The following MAN1A1 variants were observed in gnomAD, a reference collection of about 807,000 sequenced individuals.
The protein encoded by MAN1A1 is mannosidase alpha class 1A member 1.
MAN1A1 carries 29 observed loss-of-function variants against 70.8 expected under a neutral mutation model. The ratio of observed to expected loss-of-function variants is 0.41; its 90% confidence interval spans 0.31 to 0.56. The LOEUF (loss-of-function observed/expected upper bound fraction) is 0.56. MAN1A1 is among the 20% of genes least tolerant of loss of function. MAN1A1 has a pLI of 0.29. For synonymous variants in MAN1A1, 349 were observed against 330.1 expected, an observed-to-expected ratio of 1.06 and a Z score of -0.62; for missense variants, 747 against 841.3, an observed-to-expected ratio of 0.89 and a Z score of 1.39.
chr6:119,210,928 C>CA (rs547525148), intron 6 of MAN1A1: 18 of 456,172 alleles, frequency 3.9e-5, no homozygotes, highest in Middle Eastern at 3.3e-4. Context: ...ATTGCACATC[C>CA]ACCTGTTGTA....
At chr6:119,271,265 G>C (rs971127180) in intron 5 of MAN1A1, among the ~76,000 whole-genome samples, 1 of 152,012 alleles carries the variant, frequency 6.6e-6, no homozygotes. Flanking sequence ...CATAGTTCTA[G>C]AAAAATGGAT....
At chr6:119,270,139 A>G (rs1775877315) in intron 5 of MAN1A1, among the ~76,000 whole-genome samples, 1 of 152,060 alleles carries the variant, frequency 6.6e-6, no homozygotes, top group Admixed American at 6.5e-5. Flanking sequence ...GATATTTCAG[A>G]CTAATCTTGT....
intron 6 of MAN1A1, among the ~76,000 whole-genome samples, chr6:119,205,751 TCTC>T (rs1773842382): frequency 6.6e-6 from 1 of 152,232 alleles, no homozygotes. Context: ...AGTTCGTTAT[TCTC>T]CTAATAAATT....
At chr6:119,193,959 C>A in intron 8 of MAN1A1, 67 bp from the exon 9 acceptor site, 1 of 917,950 alleles carries the variant, frequency 1.1e-6, no homozygotes, top group Non-Finnish European at 1.8e-6. Context: ...AGCAAAATCA[C>A]ATTAGCAACT....
At chr6:119,186,815 G>C (rs140308728) in intron 11 of MAN1A1, among the ~76,000 whole-genome samples, 1 of 152,250 alleles carries the variant, frequency 6.6e-6, no homozygotes, top group East Asian at 1.9e-4. Context: ...CCATGCCTTC[G>C]AAGTCCCAGT....
chr6:119,318,607 T>G (rs1440241007), intron 2 of MAN1A1, among the ~76,000 whole-genome samples: 2 of 152,230 alleles, frequency 1.3e-5, no homozygotes, highest in African/African-American at 4.8e-5. Flanking sequence ...AAACATGACA[T>G]GCAAAACCAA....
intron 6 of MAN1A1, among the ~76,000 whole-genome samples, chr6:119,239,231 C>T (rs1388384775): frequency 6.6e-6 from 1 of 152,202 alleles, no homozygotes; most frequent in African/African-American, 2.4e-5. Flanking sequence ...CAATTCTCCA[C>T]CTTATAGATG....
intron 2 of MAN1A1, among the ~76,000 whole-genome samples, chr6:119,330,611 C>T (rs1773282903): frequency 6.6e-6 from 1 of 152,132 alleles, no homozygotes; most frequent in South Asian, 2.1e-4. Flanking sequence ...GAAACCCTCC[C>T]ATGGTTCCTG....
intron 6 of MAN1A1, among the ~76,000 whole-genome samples, chr6:119,217,652 T>C (rs1397283416): frequency 1.3e-5 from 2 of 152,222 alleles, no homozygotes; most frequent in African/African-American, 4.8e-5. Context: ...TCACTTCTAT[T>C]ATGCTTTATA....
chr6:119,192,668 A>G (rs1203031746), intron 9 of MAN1A1, among the ~76,000 whole-genome samples: 1 of 152,192 alleles, frequency 6.6e-6, no homozygotes, highest in Non-Finnish European at 1.5e-5. Flanking sequence ...CAAGAAAAAT[A>G]AAATTTTTCT....
intron 6 of MAN1A1, among the ~76,000 whole-genome samples, chr6:119,223,835 T>C (rs1230190965): frequency 1.3e-5 from 2 of 152,060 alleles, no homozygotes; most frequent in African/African-American, 4.8e-5. Context: ...ATAGCAATTA[T>C]AAAATCTGGG....
chr6:119,203,504 AT>A (rs1282504937), intron 7 of MAN1A1, among the ~76,000 whole-genome samples: 4 of 151,934 alleles, frequency 2.6e-5, no homozygotes, highest in Non-Finnish European at 5.9e-5. Flanking sequence ...ATAAGGGCAT[AT>A]TTTACTCTGA....
At chr6:119,198,118 G>A (rs1403363179) in intron 8 of MAN1A1, among the ~76,000 whole-genome samples, 4 of 152,242 alleles carry the variant, frequency 2.6e-5, no homozygotes, top group African/African-American at 7.2e-5. Context: ...GGCCAGGAGC[G>A]TGGCTCACGC....
chr6:119,257,502 A>C (rs1775492277), intron 5 of MAN1A1, among the ~76,000 whole-genome samples: 1 of 152,206 alleles, frequency 6.6e-6, no homozygotes, highest in East Asian at 1.9e-4. Context: ...AACATATATG[A>C]ACGACAACAT....
chr6:119,228,824 TG>T (rs964147330), intron 6 of MAN1A1, among the ~76,000 whole-genome samples: 37 of 152,284 alleles, frequency 2.4e-4, no homozygotes, highest in African/African-American at 8.9e-4. Context: ...ATAAAAAGTG[TG>T]GGCCCTTATA....
At chr6:119,297,739 T>A (rs1271394318) in intron 4 of MAN1A1, among the ~76,000 whole-genome samples, 1 of 58,908 alleles carries the variant, frequency 1.7e-5, no homozygotes, top group Non-Finnish European at 4.2e-5. Flanking sequence ...AGTTTCCTTT[T>A]TTTTTTTTTT....
chr6:119,333,631 A>C (rs184974110), intron 2 of MAN1A1, among the ~76,000 whole-genome samples: 121 of 152,362 alleles, frequency 7.9e-4, no homozygotes, highest in African/African-American at 2.8e-3. Context: ...CCTGCAGCAT[A>C]TCTGGCTATA....
intron 4 of MAN1A1, among the ~76,000 whole-genome samples, chr6:119,290,977 A>G (rs1483608888): frequency 1.3e-5 from 2 of 151,984 alleles, no homozygotes; most frequent in Non-Finnish European, 2.9e-5. Flanking sequence ...CCCCCAAAAT[A>G]CGTACAATCA....
chr6:119,198,235 C>T lies in MAN1A1; in HGVS notation c.1210+3019G>A, dbSNP rs9372525. 4.0e-3 allele frequency among the ~76,000 whole-genome samples: 609 copies of T among 152,244 alleles called. 30 individuals carry two copies. The East Asian group carries it at 0.1, about 26-fold the overall frequency. On this transcript the variant is annotated intron_variant, in intron 8 of 12. Coordinates refer to ENST00000368468, the MANE Select transcript of MAN1A1 (RefSeq NM_005907.4). ...GAAACCCCCATCTCTACTAAAAATA[C>T]AAAAATTAGCTGGGTGTGGTGGTAC...
Sources: allele counts gnomAD v4.1 joint callset (sites outside exome capture counted in the v4.1 genomes callset), GRCh38; gene constraint gnomAD v4.1.1; transcripts MANE v1.5; gene names NCBI Gene and HGNC (gene_info 2026-07-23, HGNC 2026-07-21).